Variants in PAK1 observed in about 807,000 individuals in gnomAD.
PAK1 encodes p21 (RAC1) activated kinase 1.
PAK1 carries 29 observed loss-of-function variants against 67.4 expected under a neutral mutation model. The ratio of observed to expected loss-of-function variants is 0.43; its 90% CI spans 0.32 to 0.59. The LOEUF is 0.59. PAK1 is among the 20% of genes least tolerant of loss of function. The pLI, the probability that PAK1 is intolerant of heterozygous loss-of-function variation, is 0.07. For missense variants in PAK1, 337 were observed against 670.7 expected, an observed-to-expected ratio of 0.50 and a Z score of 5.50; for synonymous variants, 223 against 237.4, an observed-to-expected ratio of 0.94 and a Z score of 0.56.
At position 77,397,993 on chromosome 11, in the gene PAK1, T is replaced by G. The variant is rs114158649; in HGVS notation, c.-21-5452A>C. 6.6e-3 allele frequency among the ~76,000 whole-genome samples: 1,011 copies of G among 152,282 alleles called. 13 individuals carry two copies. Among genetic ancestry groups the G allele is most frequent in the African/African-American group, 0.024 (980 of 41,556 alleles). On this transcript the variant is annotated intron_variant, in intron 1 of 14. Coordinates refer to ENST00000356341, the MANE Select transcript of PAK1 (RefSeq NM_002576.5). ...TTAATTTTTAGTTTTTGTGGGCACA[T>G]AGTAGTTGTATATATTTATGGAGTA...
chr11:77,334,174 A>T (rs983682151), intron 13 of PAK1, among the ~76,000 whole-genome samples: 6 of 151,696 alleles, frequency 4.0e-5, no homozygotes, highest in East Asian at 3.8e-4. Context: ...ATCTCAAAAA[A>T]AAAAATAAAA....
At chr11:77,339,017 T>C (rs1271411173) in intron 11 of PAK1, among the ~76,000 whole-genome samples, 1 of 152,102 alleles carries the variant, frequency 6.6e-6, no homozygotes, top group Non-Finnish European at 1.5e-5. Context: ...ATGGTGGCTG[T>C]ACAACTCTAT....
chr11:77,337,535 G>T (rs1942904411), intron 11 of PAK1, 112 bp from the exon 12 acceptor site: 5 of 517,044 alleles, frequency 9.7e-6, no homozygotes, highest in Non-Finnish European at 1.4e-5. Context: ...AGGAAGTAAG[G>T]CCCCAGTGAG....
chr11:77,422,344 C>T (rs1019404467), intron 1 of PAK1, among the ~76,000 whole-genome samples: 2 of 152,038 alleles, frequency 1.3e-5, no homozygotes, highest in Non-Finnish European at 2.9e-5. Flanking sequence ...GTGAATCACC[C>T]GGGGTCAAGA....
chr11:77,359,135 A>T (rs1162869628), intron 5 of PAK1, 118 bp from the exon 6 acceptor site: 5 of 851,584 alleles, frequency 5.9e-6, no homozygotes, highest in Admixed American at 2.5e-5. Flanking sequence ...AATACACATT[A>T]GCCTCCAAGC....
intron 5 of PAK1, among the ~76,000 whole-genome samples, chr11:77,364,460 C>CA (rs932581127): frequency 6.6e-6 from 1 of 151,960 alleles, no homozygotes; most frequent in African/African-American, 2.4e-5. Context: ...CAAAAACAAA[C>CA]AAAAAAACAA....
At chr11:77,333,455 C>T (rs1942103681) in intron 13 of PAK1, among the ~76,000 whole-genome samples, 1 of 152,130 alleles carries the variant, frequency 6.6e-6, no homozygotes, top group Non-Finnish European at 1.5e-5. Context: ...GCCTCAACCT[C>T]CCAAAGTGCT....
At chr11:77,393,101 C>G (rs1290199432) in intron 1 of PAK1, among the ~76,000 whole-genome samples, 7 of 151,430 alleles carry the variant, frequency 4.6e-5, no homozygotes, top group Admixed American at 1.3e-4. Context: ...TATAAATTGT[C>G]TATGGCTTTT....
intron 1 of PAK1, among the ~76,000 whole-genome samples, chr11:77,410,417 C>CT (rs1215799450): frequency 6.6e-6 from 1 of 152,044 alleles, no homozygotes; most frequent in Non-Finnish European, 1.5e-5. Flanking sequence ...GAGAATGGTC[C>CT]TGGGGAAGAT....
intron 14 of PAK1, among the ~76,000 whole-genome samples, chr11:77,327,069 A>T (rs911971632): frequency 2.0e-5 from 3 of 152,218 alleles, no homozygotes; most frequent in Non-Finnish European, 2.9e-5. Flanking sequence ...TGAAGCGAGA[A>T]GAGAAGTTTA....
chr11:77,461,937 C>A (rs1957365136), intron 1 of PAK1, among the ~76,000 whole-genome samples: 1 of 152,136 alleles, frequency 6.6e-6, no homozygotes, highest in East Asian at 1.9e-4. Flanking sequence ...GGTCTCAGTC[C>A]AATGCCATTT....
the PAK1 span, among the ~76,000 whole-genome samples, chr11:77,518,059 A>G: frequency 6.6e-6 from 1 of 152,312 alleles, no homozygotes; most frequent in East Asian, 1.9e-4. Flanking sequence ...CACTTTTAAC[A>G]GGGCTTTTAA....
At chr11:77,325,574 T>C (rs780929944) in intron 14 of PAK1, among the ~76,000 whole-genome samples, 2 of 152,228 alleles carry the variant, frequency 1.3e-5, no homozygotes, top group Non-Finnish European at 2.9e-5. Context: ...AACTATAATT[T>C]GGTATTTAAT....
chr11:77,358,133 G>A (rs1029221906), intron 6 of PAK1, among the ~76,000 whole-genome samples: 1 of 152,074 alleles, frequency 6.6e-6, no homozygotes, highest in African/African-American at 2.4e-5. Context: ...CCTGAATGCT[G>A]TATTCCAGAG....
chr11:77,421,212 C>T (rs746696954), intron 1 of PAK1, among the ~76,000 whole-genome samples: 6 of 152,218 alleles, frequency 3.9e-5, no homozygotes, highest in Non-Finnish European at 7.3e-5. Flanking sequence ...TCACTCTGCT[C>T]CAGGCACCAA....
chr11:77,484,400 C>T, the PAK1 span, among the ~76,000 whole-genome samples: 2 of 152,106 alleles, frequency 1.3e-5, no homozygotes, highest in Non-Finnish European at 2.9e-5. Context: ...TATACCCCCT[C>T]GGGTGGATGT....
intron 1 of PAK1, among the ~76,000 whole-genome samples, chr11:77,430,057 G>C (rs932373200): frequency 1.2e-4 from 19 of 152,090 alleles, no homozygotes; most frequent in African/African-American, 4.6e-4. Flanking sequence ...TATTTTTCCA[G>C]GGTCACACAG....
chr11:77,426,403 T>G (rs138190407), intron 1 of PAK1, among the ~76,000 whole-genome samples: 1 of 152,202 alleles, frequency 6.6e-6, no homozygotes, highest in Non-Finnish European at 1.5e-5. Flanking sequence ...GAGTCAACCC[T>G]ACAAGAATCA....
chr11:77,480,005 G>GT, the PAK1 span, among the ~76,000 whole-genome samples: 6 of 152,130 alleles, frequency 3.9e-5, no homozygotes, highest in Admixed American at 6.6e-5. Flanking sequence ...AGAGAAGTAA[G>GT]TTTTTTAAAG....
Sources: allele counts gnomAD v4.1 joint callset (sites outside exome capture counted in the v4.1 genomes callset), GRCh38; gene constraint gnomAD v4.1.1; transcripts MANE v1.5; gene names NCBI Gene and HGNC (gene_info 2026-07-23, HGNC 2026-07-21).